TCF7: variants seen among roughly 807,000 people sequenced by gnomAD.
TCF7 encodes T-cell-factor-7.
In TCF7, 19 loss-of-function variants were observed where a neutral mutation model predicts 46.8. The ratio of observed to expected loss-of-function variants is 0.41; its 90% CI spans 0.28 to 0.60. TCF7 has a LOEUF of 0.60. Ranked by LOEUF, TCF7 falls within the 20% of genes least tolerant of loss-of-function variation. TCF7 has a pLI of 0.35. For missense variants in TCF7, 547 were observed against 504.6 expected (o/e 1.08, Z -0.81); for synonymous variants, 245 against 213.4 (o/e 1.15, Z -1.29).
At chr5:134,115,468 G>A (rs1386300948) in intron 2 of TCF7, 81 bp downstream of exon 2, 12 of 1,522,128 alleles carry the variant, frequency 7.9e-6, no homozygotes, top group African/African-American at 4.2e-5. Flanking sequence ...AGGACCGCGG[G>A]GAGCCGGGTG....
chr5:134,130,341 C>T (rs1757949154), intron 3 of TCF7, among the ~76,000 whole-genome samples: 1 of 152,234 alleles, frequency 6.6e-6, no homozygotes, highest in African/African-American at 2.4e-5. Context: ...GCCATTGATG[C>T]TGGACAGTGG....
chr5:134,136,505 G>A (rs1328952515), intron 3 of TCF7, among the ~76,000 whole-genome samples: 2 of 152,076 alleles, frequency 1.3e-5, no homozygotes, highest in Non-Finnish European at 2.9e-5. Context: ...GCTGTAGCCC[G>A]GAGGCAGGAA....
At chr5:134,137,245 G>A (rs1432882876) in intron 3 of TCF7, among the ~76,000 whole-genome samples, 9 of 152,094 alleles carry the variant, frequency 5.9e-5, no homozygotes, top group South Asian at 2.1e-4. Context: ...TCAACATGGC[G>A]AAACCCCATC....
chr5:134,136,639 G>C (rs999904226), intron 3 of TCF7, among the ~76,000 whole-genome samples: 2 of 152,136 alleles, frequency 1.3e-5, no homozygotes, highest in African/African-American at 4.8e-5. Flanking sequence ...GCTTGCCCTG[G>C]GCTTCCAATA....
intron 3 of TCF7, among the ~76,000 whole-genome samples, chr5:134,127,309 G>A (rs1205757162): frequency 6.6e-6 from 1 of 152,366 alleles, no homozygotes; most frequent in East Asian, 1.9e-4. Flanking sequence ...GGCCAAAAGG[G>A]CTGTCTTTCT....
chr5:134,111,140 G>C (rs1755325455), upstream of TCF7, among the ~76,000 whole-genome samples: 1 of 152,150 alleles, frequency 6.6e-6, no homozygotes, highest in African/African-American at 2.4e-5. Flanking sequence ...GGCTCAGAGA[G>C]GGTCAGCAAT....
rs1483022007 is a variant in TCF7, at chr5:134,147,965, C to A, written c.*1662C>A. 1 of 110,242 alleles carries A rather than the reference C, an allele frequency of 9.1e-6. No individual in the cohort carries two copies. The highest frequency in any genetic ancestry group is 3.9e-5 in the African/African-American group (1 of 25,912). The allele number at this position is 110,242 out of a possible 1,614,324, so 6.8% of individuals were successfully genotyped here. A position where few individuals can be genotyped will look rare whatever the true frequency, so the allele number is the denominator to read the frequency against. Reference sequence around the variant, plus strand: ...CACTCCAGTCTGGGTAACAGGGAGACTGCATCTCAAAAAAAAAAAAAAAAA... The same window carrying A: ...CACTCCAGTCTGGGTAACAGGGAGAATGCATCTCAAAAAAAAAAAAAAAAA... On this transcript the variant is annotated 3_prime_UTR_variant, in exon 10 of 10. Coordinates refer to ENST00000342854, the MANE Select transcript of TCF7 (RefSeq NM_003202.5).
At chr5:134,144,573 C>CT (rs1760391487) in intron 9 of TCF7, 1 of 553,002 alleles carries the variant, frequency 1.8e-6, no homozygotes, top group East Asian at 3.1e-5. Context: ...CCCACTGCCT[C>CT]TACTGCGTAC....
chr5:134,145,330 C>G (rs573839376), intron 9 of TCF7: 99 of 541,036 alleles, frequency 1.8e-4, no homozygotes, highest in South Asian at 1.4e-3. Context: ...ACAGAACCAT[C>G]TGGTTGCCAG....
At chr5:134,134,818 A>G (rs1488528308) in intron 3 of TCF7, among the ~76,000 whole-genome samples, 1 of 152,236 alleles carries the variant, frequency 6.6e-6, no homozygotes, top group Non-Finnish European at 1.5e-5. Context: ...ACATCATGGC[A>G]CACTTTCAGC....
chr5:134,126,530 A>C (rs1463388178), intron 3 of TCF7, among the ~76,000 whole-genome samples: 1 of 152,244 alleles, frequency 6.6e-6, no homozygotes, highest in Non-Finnish European at 1.5e-5. Context: ...AAAGAATAAC[A>C]ACAACTACAG....
At chr5:134,126,644 A>G (rs994027709) in intron 3 of TCF7, among the ~76,000 whole-genome samples, 1 of 152,238 alleles carries the variant, frequency 6.6e-6, no homozygotes, top group Non-Finnish European at 1.5e-5. Flanking sequence ...CACGCCTGTA[A>G]TCCCAGCACT....
At chr5:134,145,274 T>G (rs763992913) in intron 9 of TCF7, 2 of 541,914 alleles carry the variant, frequency 3.7e-6, no homozygotes, top group South Asian at 2.8e-5. Context: ...GATCCCTGCC[T>G]GTACCATCCT....
chr5:134,132,620 T>C (rs1758296774), intron 3 of TCF7, among the ~76,000 whole-genome samples: 1 of 152,162 alleles, frequency 6.6e-6, no homozygotes, highest in Non-Finnish European at 1.5e-5. Context: ...GCGAGGGAGT[T>C]TCTCTGCTGG....
At chr5:134,137,944 CT>C (rs75401751) in intron 3 of TCF7, 114 bp from the exon 4 acceptor site, 61,905 of 813,348 alleles carry the variant, frequency 0.076, 3,216 homozygotes, top group Admixed American at 0.18. Flanking sequence ...TCGCTGAGGC[CT>C]GTGGTTTTGG....
chr5:134,132,535 A>C (rs1262219741), intron 3 of TCF7, among the ~76,000 whole-genome samples: 4 of 152,222 alleles, frequency 2.6e-5, no homozygotes, highest in African/African-American at 9.6e-5. Context: ...AGGCCAGAGG[A>C]AACAGCAACT....
Position 134,127,268 on chromosome 5 carries a change from CCCAGACA to C in TCF7, c.442-10788_442-10782del, listed in dbSNP as rs1262583703. On this transcript the variant is annotated intron_variant, in intron 3 of 9. Coordinates refer to ENST00000342854, the MANE Select transcript of TCF7 (RefSeq NM_003202.5). Reference sequence around the variant, plus strand: ...TGGGTCAGGGATGACCCCTTTCCTCCCCAGACACCTGGCAAGTTCAGGGCTCCCAGGG... The same window carrying C: ...TGGGTCAGGGATGACCCCTTTCCTCCCCTGGCAAGTTCAGGGCTCCCAGGG... Among the ~76,000 whole-genome samples, 9 of 152,222 alleles carry C rather than the reference CCCAGACA, an allele frequency of 5.9e-5. No homozygotes were observed. The East Asian group carries it at 1.7e-3, about 29-fold the overall frequency.
intron 3 of TCF7, among the ~76,000 whole-genome samples, chr5:134,117,041 G>A (rs1755929221): frequency 6.6e-6 from 1 of 152,264 alleles, no homozygotes; most frequent in African/African-American, 2.4e-5. Flanking sequence ...GTGGTTCTGA[G>A]AGCTGCTGCA....
At chr5:134,142,467 A>G (rs1759973873) in intron 6 of TCF7, among the ~76,000 whole-genome samples, 163 bp downstream of exon 6, 1 of 152,058 alleles carries the variant, frequency 6.6e-6, no homozygotes, top group Non-Finnish European at 1.5e-5. Flanking sequence ...ATGGGGAACA[A>G]GGATTTTTCT....
Sources: allele counts gnomAD v4.1 joint callset (sites outside exome capture counted in the v4.1 genomes callset), GRCh38; gene constraint gnomAD v4.1.1; transcripts MANE v1.5; gene names NCBI Gene and HGNC (gene_info 2026-07-23, HGNC 2026-07-21).